Variants in SNX25 observed in about 807,000 individuals in gnomAD.
SNX25 encodes sorting nexin-25.
SNX25 carries 62 observed loss-of-function variants against 113.7 expected under a neutral mutation model. The observed-to-expected ratio is 0.55, with a 90% CI of 0.44 to 0.67. SNX25 has a LOEUF of 0.67. SNX25 is among the 30% of genes least tolerant of loss of function. The pLI, the probability that SNX25 is intolerant of heterozygous loss-of-function variation, is 0.00. For missense variants in SNX25, 1,014 were observed against 1,161.0 expected (o/e 0.87, Z 1.84); for synonymous variants, 421 against 436.2 (o/e 0.97, Z 0.43).
At chr4:185,211,237 G>A (rs1397942275) in intron 1 of SNX25, among the ~76,000 whole-genome samples, 7 of 152,186 alleles carry the variant, frequency 4.6e-5, no homozygotes, top group Non-Finnish European at 1.0e-4. Flanking sequence ...ACTACTCTGA[G>A]TGTGTTAGTT....
intron 2 of SNX25, among the ~76,000 whole-genome samples, chr4:185,250,797 A>G (rs892265299): frequency 1.3e-5 from 2 of 151,570 alleles, no homozygotes; most frequent in African/African-American, 2.4e-5. Flanking sequence ...GCTGAGGAAC[A>G]TCTGTAGTTT....
chr4:185,291,368 C>T (rs1193215770), intron 6 of SNX25, among the ~76,000 whole-genome samples: 2 of 152,136 alleles, frequency 1.3e-5, no homozygotes, highest in Non-Finnish European at 2.9e-5. Flanking sequence ...CCACTCTCCC[C>T]ACTCCCCTCA....
chr4:185,377,539 A>G, the SNX25 span: 272 of 164,658 alleles, frequency 1.7e-3, 2 homozygotes, highest in African/African-American at 6.6e-3. Context: ...CAACAACAAC[A>G]AACAATACTT....
chr4:185,212,491 G>GTTTTTGTT lies in SNX25; in HGVS notation c.429+2241_429+2242insGTTTTTTT, dbSNP rs59085661. Among the ~76,000 whole-genome samples the GTTTTTGTT allele has an allele frequency of 3.8e-3, 396 of 104,912 alleles. 50 individuals carry two copies. Among genetic ancestry groups the GTTTTTGTT allele is most frequent in the Middle Eastern group, 0.027 (5 of 186 alleles). 68.8% of individuals were successfully genotyped at this position (104,912 alleles called of 152,430 possible). On this transcript the variant is annotated intron_variant, in intron 1 of 18. Coordinates refer to ENST00000652585, the MANE Select transcript of SNX25 (RefSeq NM_001378034.2). Reference sequence around the variant, plus strand: ...TGTGTGTGTGTGTGTGTGTGTGTGTGTTTTTTTTTTTTTTTGCTTTGAGAC... The same window carrying GTTTTTGTT: ...TGTGTGTGTGTGTGTGTGTGTGTGTGTTTTTGTTTTTTTTTTTTTTTTTGCTTTGAGAC...
chr4:185,266,983 G>A lies in SNX25; in HGVS notation c.919G>A (p.Val307Met), dbSNP rs146830652. 3.7e-6 allele frequency: 6 copies of A among 1,612,394 alleles called. No individual in the cohort carries two copies. Among genetic ancestry groups the A allele is most frequent in the East Asian group, 2.2e-5 (1 of 44,878 alleles). Reference protein sequence around the residue: ...ILTTKVLKPVVELLSNPDYIN... With the variant: ...ILTTKVLKPVMELLSNPDYIN... ...TCTTCCTGTAGTCTTGAAGCCGGTA[G>A]TGGAGTTACTGAGTAATCCAGATTA... Residue 307 changes from valine (V) to methionine (M), a missense_variant, in exon 5 of 19, where the codon GTG (valine) becomes ATG (methionine). Val to Met is a conservative substitution (Grantham distance 21). Coordinates refer to ENST00000652585, the MANE Select transcript of SNX25 (RefSeq NM_001378034.2).
chr4:185,296,336 CT>C lies in SNX25; in HGVS notation c.1162+8257del, dbSNP rs368802650. The stretch of plus-strand genomic sequence containing the variant: ...ATAAGACAACCCGTAGAGCTCTTTA[CT>C]TTGTATATTTAGGACAGTTCAAAAT... On this transcript the variant is annotated intron_variant, in intron 6 of 18. Coordinates refer to ENST00000652585, the MANE Select transcript of SNX25 (RefSeq NM_001378034.2). 4.0e-4 allele frequency among the ~76,000 whole-genome samples: 61 copies of C among 152,234 alleles called. No homozygotes were observed. In the East Asian group the frequency reaches 0.01, roughly 26 times the overall value.
Position 185,264,515 on chromosome 4 carries a change from C to T in SNX25, c.809C>T (p.Thr270Met), listed in dbSNP as rs186722079. 4.3e-6 allele frequency: 7 copies of T among 1,614,052 alleles called. No homozygotes were observed. Among genetic ancestry groups the T allele is most frequent in the African/African-American group, 2.7e-5 (2 of 75,048 alleles). The change falls in exon 4 of 19, where the codon ACG becomes ATG. Residue 270 changes from threonine (T) to methionine (M), a missense_variant. Transcript: ENST00000652585. ...NSDDEVRFLQ[T>M]CSRVLVFCLL... ...GATGATGAAGTAAGATTTCTACAAA[C>T]GTGTTCTCGGGTTCTGGTGTTTTGT...
At chr4:185,326,571 C>G (rs935821491) in intron 9 of SNX25, among the ~76,000 whole-genome samples, 1 of 152,124 alleles carries the variant, frequency 6.6e-6, no homozygotes, top group Non-Finnish European at 1.5e-5. Context: ...CTACTGATAA[C>G]ATACATTAAG....
the SNX25 span, chr4:185,376,922 A>C: frequency 3.1e-6 from 5 of 1,611,048 alleles, no homozygotes; most frequent in Middle Eastern, 3.3e-4. Flanking sequence ...TTCAAAATAT[A>C]GTTGACCTCG....
chr4:185,291,905 T>C (rs1394444663), intron 6 of SNX25, among the ~76,000 whole-genome samples: 1 of 152,208 alleles, frequency 6.6e-6, no homozygotes, highest in Non-Finnish European at 1.5e-5. Context: ...ACATATCTTT[T>C]TGGGAACACA....
intron 1 of SNX25, among the ~76,000 whole-genome samples, chr4:185,223,982 CT>C (rs1237546380): frequency 1.3e-5 from 2 of 152,178 alleles, no homozygotes; most frequent in Non-Finnish European, 2.9e-5. Flanking sequence ...TGATTCTTCA[CT>C]TTACCAGTTT....
intron 7 of SNX25, among the ~76,000 whole-genome samples, chr4:185,318,950 T>G (rs2095096659): frequency 1.3e-5 from 2 of 152,222 alleles, no homozygotes; most frequent in Admixed American, 1.3e-4. Flanking sequence ...GTAGCTACTC[T>G]GTGTTTGCCT....
intron 1 of SNX25, among the ~76,000 whole-genome samples, chr4:185,227,181 T>C (rs568758150): frequency 1.3e-5 from 2 of 152,388 alleles, no homozygotes; most frequent in East Asian, 3.9e-4. Context: ...CACATCTTAC[T>C]GGCCAGGTTT....
chr4:185,239,093 T>G (rs28640571), intron 1 of SNX25, among the ~76,000 whole-genome samples: 6,653 of 152,210 alleles, frequency 0.044, 520 homozygotes, highest in African/African-American at 0.15. Flanking sequence ...CGGCTGGTAC[T>G]CTGGAGTAAA....
At chr4:185,372,807 A>G, downstream of SNX25, 1 of 1,423,204 alleles carries the variant, frequency 7.0e-7, no homozygotes, top group Admixed American at 1.9e-5. Context: ...TAAATTACCT[A>G]GTGTGTGATA....
chr4:185,206,894 A>C (rs1001983383), upstream of SNX25, among the ~76,000 whole-genome samples: 4 of 152,164 alleles, frequency 2.6e-5, no homozygotes, highest in Non-Finnish European at 5.9e-5. Context: ...ATAGGATGGC[A>C]TAACTCTGAG....
At chr4:185,377,925 AT>A in the SNX25 span, 1 of 621,516 alleles carries the variant, frequency 1.6e-6, no homozygotes. Context: ...TAAATGAGCA[AT>A]TTCACAGATT....
rs569422172 is a variant in SNX25, at chr4:185,317,079, C to T, written c.1345-3654C>T. 2.7e-3 allele frequency among the ~76,000 whole-genome samples: 418 copies of T among 152,134 alleles called. 1 individual carries two copies. Among genetic ancestry groups the T allele is most frequent in the African/African-American group, 9.1e-3 (376 of 41,508 alleles). On this transcript the variant is annotated intron_variant, in intron 7 of 18. Transcript: ENST00000652585. Reference sequence around the variant, plus strand: ...AAGTTTTTGCAATCTACACATCTGACAAAGGTCTAATATCCAGAATCTACA... The same window carrying T: ...AAGTTTTTGCAATCTACACATCTGATAAAGGTCTAATATCCAGAATCTACA...
chr4:185,376,943 G>T, the SNX25 span: 2 of 1,613,612 alleles, frequency 1.2e-6, no homozygotes, highest in Non-Finnish European at 8.5e-7. Context: ...TAGGAAATAT[G>T]CCAGAGTGTC....
Sources: gnomAD v4.1 joint callset for allele counts (sites outside exome capture counted in the v4.1 genomes callset) on GRCh38, gnomAD v4.1.1 for gene constraint, MANE v1.5 for transcripts, NCBI Gene and HGNC (gene_info 2026-07-23, HGNC 2026-07-21) for gene names.